The following TG variants were observed in gnomAD, a reference collection of about 807,000 sequenced individuals.
TG encodes thyroglobulin, also known as thyroid hormones.
Under a neutral mutation model 324.7 loss-of-function variants are expected in TG, and 270 were observed. That is an observed-to-expected ratio of 0.83 (90% CI 0.75 to 0.92). The LOEUF (loss-of-function observed/expected upper bound fraction) is 0.92, where lower values mean the gene tolerates loss of function less well. Among genes scored for constraint, TG ranks in the 40% least tolerant of loss-of-function variants. TG has a pLI of 0.00. For missense variants in TG, 3,591 were observed against 3,456.4 expected (o/e 1.04, Z -0.98); for synonymous variants, 1,401 against 1,327.0 (o/e 1.06, Z -1.21).
intron 41 of TG, among the ~76,000 whole-genome samples, chr8:133,058,489 C>T (rs1056495229): frequency 8.5e-5 from 13 of 152,204 alleles, no homozygotes; most frequent in African/African-American, 2.2e-4. Context: ...TCATGAGGTT[C>T]GCTCAAGCAT....
At chr8:132,976,860 C>T (rs946542578) in intron 34 of TG, among the ~76,000 whole-genome samples, 1 of 152,112 alleles carries the variant, frequency 6.6e-6, no homozygotes, top group East Asian at 1.9e-4. Context: ...TTGTCTTCAT[C>T]AAACAGAAGT....
Position 133,017,790 on chromosome 8 carries a change from T to C in TG, c.6575T>C (p.Leu2192Pro). The C allele has an allele frequency of 6.2e-7, 1 of 1,614,158 alleles. No individual in the cohort carries two copies. The highest frequency in any genetic ancestry group is 8.5e-7 in the Non-Finnish European group (1 of 1,180,020). The change falls in exon 38 of 48, where the codon CTC (leucine) becomes CCC (proline). Residue 2192 changes from leucine (L) to proline (P), a missense_variant. Coordinates refer to ENST00000220616, the MANE Select transcript of TG (RefSeq NM_003235.5). The part of the protein sequence containing the change: ...HIYRKPGISL[L>P]SYEASVPSVP... ...CCTTTCCCAACAGGAATCTCTCTGC[T>C]CAGCTATGAGGCATCTGTACCTTCT...
At chr8:132,951,473 A>G (rs1291155682) in intron 27 of TG, among the ~76,000 whole-genome samples, 1 of 152,232 alleles carries the variant, frequency 6.6e-6, no homozygotes, top group African/African-American at 2.4e-5. Flanking sequence ...TGATATATTC[A>G]TGGCAGTAAA....
intron 35 of TG, among the ~76,000 whole-genome samples, chr8:132,999,867 C>T (rs1055678545): frequency 6.6e-6 from 1 of 152,118 alleles, no homozygotes; most frequent in South Asian, 2.1e-4. Context: ...CTTCTGTATC[C>T]CTCAATCCTT....
intron 45 of TG, among the ~76,000 whole-genome samples, chr8:133,130,757 T>G (rs893511949): frequency 2.0e-5 from 3 of 152,228 alleles, no homozygotes; most frequent in Non-Finnish European, 2.9e-5. Flanking sequence ...TGTGTTGTTT[T>G]AAGCCACTGA....
rs1840194114 is a variant in TG, at chr8:133,050,474, AC to A, written c.7239+20454del. On this transcript the variant is annotated intron_variant, in intron 41 of 47. Transcript: ENST00000220616. ...TTTTTCTCATCCGAAGGATTTCCAG[AC>A]CCTGGGGGCTGCCTTCCCGGTCTTC... 5 of 257,544 alleles carry A rather than the reference AC, an allele frequency of 1.9e-5. No homozygotes were observed. The South Asian group carries it at 3.5e-4, about 18-fold the overall frequency. The allele number at this position is 257,544 out of a possible 1,614,324, so 16.0% of individuals were successfully genotyped here.
chr8:133,040,158 G>C, intron 41 of TG: 1 of 1,567,496 alleles, frequency 6.4e-7, no homozygotes, highest in Non-Finnish European at 8.6e-7. Context: ...CAGCCGGTCA[G>C]GGACCCTGGG....
At position 132,961,062 on chromosome 8, in the gene TG, A is replaced by T; in HGVS notation, c.5456A>T (p.Tyr1819Phe). ...ACCTTTACCAATTTTCAGCAGGTTT[A>T]TCTCTGGAAAGGTGAGCTCCGTGGT... ...QDTFTNFQQV[Y>F]LWKDSDMGSR... is the part of the protein sequence containing the mutation. The change falls in exon 28 of 48, where the codon TAT (tyrosine) becomes TTT (phenylalanine). Residue 1819 changes from tyrosine (Y) to phenylalanine (F), a missense_variant. Tyr to Phe is a conservative substitution (Grantham distance 22). Coordinates refer to ENST00000220616, the MANE Select transcript of TG (RefSeq NM_003235.5). 6.2e-7 allele frequency: 1 copy of T among 1,614,062 alleles called. No homozygotes were observed. The highest frequency in any genetic ancestry group is 8.5e-7 in the Non-Finnish European group (1 of 1,179,962).
chr8:133,073,652 G>C (rs1844414170), intron 41 of TG, among the ~76,000 whole-genome samples: 1 of 152,286 alleles, frequency 6.6e-6, no homozygotes, highest in Non-Finnish European at 1.5e-5. Context: ...TAGACTTGCA[G>C]CTCAGCATCT....
intron 41 of TG, chr8:133,038,100 T>G (rs61401547): frequency 0.014 from 2,542 of 176,376 alleles, 80 homozygotes; most frequent in African/African-American, 0.056. Context: ...GGACACAGCT[T>G]TTGTTTCCTC....
At chr8:132,967,733 G>A (rs1828841617) in intron 30 of TG, 61 bp from the exon 31 acceptor site, 2 of 1,578,918 alleles carry the variant, frequency 1.3e-6, no homozygotes, top group Non-Finnish European at 1.7e-6. Context: ...GAATCCTGTA[G>A]AGATTATTCT....
intron 41 of TG, among the ~76,000 whole-genome samples, chr8:133,085,664 T>C (rs1360943406): frequency 1.3e-5 from 2 of 152,192 alleles, no homozygotes; most frequent in African/African-American, 4.8e-5. Context: ...AATGAGATAT[T>C]AACTCACACA....
intron 41 of TG, among the ~76,000 whole-genome samples, chr8:133,086,619 G>T (rs1265125466): frequency 1.3e-5 from 2 of 152,148 alleles, no homozygotes; most frequent in Non-Finnish European, 2.9e-5. Context: ...TATGTGAATA[G>T]ATTTAGTTAT....
At chr8:132,887,700 A>G (rs1436413708) in intron 9 of TG, 152 bp downstream of exon 9, 2 of 1,110,706 alleles carry the variant, frequency 1.8e-6, no homozygotes, top group East Asian at 5.1e-5. Context: ...TTATCCAGGA[A>G]TGCCTAGATA....
At chr8:133,072,617 A>G (rs550621264) in intron 41 of TG, among the ~76,000 whole-genome samples, 1 of 152,356 alleles carries the variant, frequency 6.6e-6, no homozygotes, top group Admixed American at 6.5e-5. Flanking sequence ...TTCTTGATGA[A>G]TGTCAAATAA....
At chr8:133,071,737 C>A (rs1185811387) in intron 41 of TG, among the ~76,000 whole-genome samples, 3 of 152,154 alleles carry the variant, frequency 2.0e-5, no homozygotes, top group Admixed American at 1.3e-4. Flanking sequence ...ACCGACTGCA[C>A]TGACTACACT....
chr8:132,994,417 A>G (rs1055916951), intron 35 of TG, among the ~76,000 whole-genome samples: 6 of 152,214 alleles, frequency 3.9e-5, no homozygotes, highest in African/African-American at 1.4e-4. Flanking sequence ...GAAATATTTT[A>G]GGCAGGTTGC....
chr8:133,113,401 C>G (rs200420793), intron 43 of TG, 21 bp from the exon 44 acceptor site: 2 of 1,611,942 alleles, frequency 1.2e-6, no homozygotes, highest in Admixed American at 1.7e-5. Context: ...TGAGGAATTT[C>G]GTATCTTTTT....
chr8:133,013,527 A>T, intron 36 of TG, 73 bp from the exon 37 acceptor site: 2 of 1,582,410 alleles, frequency 1.3e-6, no homozygotes, highest in Non-Finnish European at 8.7e-7. Flanking sequence ...GGTTGGATGG[A>T]TGACTGGAAG....
Sources: gnomAD v4.1 joint callset for allele counts (sites outside exome capture counted in the v4.1 genomes callset) on GRCh38, gnomAD v4.1.1 for gene constraint, MANE v1.5 for transcripts, NCBI Gene and HGNC (gene_info 2026-07-23, HGNC 2026-07-21) for gene names.